The following UNC5D variants were observed in gnomAD, a reference collection of about 807,000 sequenced individuals.
UNC5D encodes the protein netrin receptor UNC5D.
In UNC5D, 39 loss-of-function variants were observed where a neutral mutation model predicts 105.4. That is an observed-to-expected ratio of 0.37 (90% confidence interval 0.29 to 0.48). The LOEUF is 0.48. Among genes scored for constraint, UNC5D ranks in the 20% least tolerant of loss-of-function variants. The pLI, the probability that UNC5D is intolerant of heterozygous loss-of-function variation, is 0.98. For missense variants in UNC5D, 991 were observed against 1,202.4 expected (o/e 0.82, Z 2.60); for synonymous variants, 452 against 450.4 (o/e 1.00, Z -0.04).
intron 1 of UNC5D, among the ~76,000 whole-genome samples, chr8:35,368,372 C>T (rs1237836055): frequency 6.6e-6 from 1 of 152,116 alleles, no homozygotes; most frequent in African/African-American, 2.4e-5. Context: ...CACACACACA[C>T]AGATACTTTT....
intron 1 of UNC5D, among the ~76,000 whole-genome samples, chr8:35,314,733 G>C (rs2950899): frequency 0.82 from 124,713 of 152,044 alleles, 51,604 homozygotes; most frequent in East Asian, 1. Flanking sequence ...CTGTAATAAA[G>C]AGTTGCTGAA....
chr8:35,391,385 C>A (rs182689508), intron 1 of UNC5D, among the ~76,000 whole-genome samples: 2 of 152,102 alleles, frequency 1.3e-5, no homozygotes, highest in Non-Finnish European at 2.9e-5. Flanking sequence ...AACATACATG[C>A]AAGATTTAAG....
At chr8:35,384,612 A>G (rs1328573374) in intron 1 of UNC5D, among the ~76,000 whole-genome samples, 1 of 152,230 alleles carries the variant, frequency 6.6e-6, no homozygotes, top group Non-Finnish European at 1.5e-5. Flanking sequence ...AAAGTTACAC[A>G]TGGTGGCAAT....
intron 1 of UNC5D, among the ~76,000 whole-genome samples, chr8:35,266,151 G>A (rs1396963921): frequency 6.6e-6 from 1 of 151,964 alleles, no homozygotes; most frequent in African/African-American, 2.4e-5. Flanking sequence ...AATTTAGTAA[G>A]TTGACCACCT....
At chr8:35,479,481 A>G (rs1412677020) in intron 1 of UNC5D, among the ~76,000 whole-genome samples, 1 of 152,208 alleles carries the variant, frequency 6.6e-6, no homozygotes, top group Non-Finnish European at 1.5e-5. Context: ...ACCAAAAGAC[A>G]TGTACACATG....
intron 4 of UNC5D, among the ~76,000 whole-genome samples, chr8:35,616,152 T>C (rs1821012507): frequency 6.6e-6 from 1 of 152,202 alleles, no homozygotes; most frequent in African/African-American, 2.4e-5. Flanking sequence ...ATAACCAAAC[T>C]GAGCCTCAGA....
chr8:35,276,216 T>A (rs1465547514), intron 1 of UNC5D, among the ~76,000 whole-genome samples: 2 of 152,240 alleles, frequency 1.3e-5, no homozygotes, highest in African/African-American at 2.4e-5. Flanking sequence ...AGCAGTAAGC[T>A]TGCCCTCTGA....
chr8:35,607,263 C>T (rs1437833404), intron 4 of UNC5D, among the ~76,000 whole-genome samples: 1 of 152,188 alleles, frequency 6.6e-6, no homozygotes. Context: ...TTTTCTGACA[C>T]ATTTCCAAAT....
intron 6 of UNC5D, among the ~76,000 whole-genome samples, chr8:35,685,272 C>A (rs959468330): frequency 2.6e-5 from 4 of 152,132 alleles, no homozygotes. Context: ...TACATTTGGT[C>A]TATGCTTGCC....
intron 1 of UNC5D, among the ~76,000 whole-genome samples, chr8:35,352,089 A>G (rs1032062082): frequency 6.6e-6 from 1 of 152,112 alleles, no homozygotes; most frequent in African/African-American, 2.4e-5. Flanking sequence ...GTTTTTTGGT[A>G]TTTACGAAAA....
chr8:35,507,693 T>G (rs1266052485), intron 1 of UNC5D, among the ~76,000 whole-genome samples: 1 of 152,034 alleles, frequency 6.6e-6, no homozygotes, highest in Non-Finnish European at 1.5e-5. Flanking sequence ...GGCCTAGTAT[T>G]TGATAGCACA....
chr8:35,465,794 G>T (rs1809262415), intron 1 of UNC5D, among the ~76,000 whole-genome samples: 2 of 152,094 alleles, frequency 1.3e-5, no homozygotes, highest in Non-Finnish European at 1.5e-5. Context: ...TGGGCCCAGT[G>T]CAATCCCAGG....
chr8:35,677,384 T>TCTCG (rs1369821221), intron 4 of UNC5D, among the ~76,000 whole-genome samples: 1 of 151,592 alleles, frequency 6.6e-6, no homozygotes, highest in African/African-American at 2.4e-5. Context: ...CTCGTGGGGG[T>TCTCG]CTCGTACCCA....
intron 1 of UNC5D, among the ~76,000 whole-genome samples, chr8:35,329,895 C>T (rs1043915335): frequency 6.6e-6 from 1 of 152,126 alleles, no homozygotes; most frequent in Non-Finnish European, 1.5e-5. Context: ...CTTTATTCAA[C>T]TTGTAATAAT....
At chr8:35,328,203 C>G (rs1810321125) in intron 1 of UNC5D, among the ~76,000 whole-genome samples, 1 of 143,518 alleles carries the variant, frequency 7.0e-6, no homozygotes, top group Non-Finnish European at 1.5e-5. Flanking sequence ...CCTAGAAATG[C>G]TTTTAACAAA....
At chr8:35,720,152 G>C (rs1053156506) in intron 8 of UNC5D, among the ~76,000 whole-genome samples, 3 of 152,158 alleles carry the variant, frequency 2.0e-5, no homozygotes, top group Non-Finnish European at 4.4e-5. Context: ...ACTTGTTCCT[G>C]CTGTTTGGTT....
chr8:35,297,633 T>C (rs558902449), intron 1 of UNC5D, among the ~76,000 whole-genome samples: 1 of 152,302 alleles, frequency 6.6e-6, no homozygotes, highest in South Asian at 2.1e-4. Context: ...ACCTGTAATC[T>C]GAATCCCTTC....
At chr8:35,568,363 C>A in intron 3 of UNC5D, 122 bp downstream of exon 3, 1 of 1,326,936 alleles carries the variant, frequency 7.5e-7, no homozygotes, top group Non-Finnish European at 1.0e-6. Flanking sequence ...CTTAAATTTA[C>A]TCTTCTAAAA....
At chr8:35,567,492 A>C (rs1376808910) in intron 2 of UNC5D, among the ~76,000 whole-genome samples, 1 of 149,544 alleles carries the variant, frequency 6.7e-6, no homozygotes, top group Non-Finnish European at 1.5e-5. Context: ...CCCATCGCTT[A>C]AAAAAAAAAT....
Sources: gnomAD v4.1 joint callset for allele counts (sites outside exome capture counted in the v4.1 genomes callset) on GRCh38, gnomAD v4.1.1 for gene constraint, MANE v1.5 for transcripts, NCBI Gene and HGNC (gene_info 2026-07-23, HGNC 2026-07-21) for gene names.